Variants in TBC1D15 observed in about 807,000 individuals in gnomAD.
TBC1D15 encodes the protein GAP for RAB7.
Under a neutral mutation model 95.4 loss-of-function variants are expected in TBC1D15, and 39 were observed. The ratio of observed to expected loss-of-function variants is 0.41; its 90% CI spans 0.32 to 0.53. The LOEUF (loss-of-function observed/expected upper bound fraction) is 0.53, where lower values mean the gene tolerates loss of function less well. Ranked by LOEUF, TBC1D15 falls within the 20% of genes least tolerant of loss-of-function variation. TBC1D15 has a pLI of 0.29. For missense variants in TBC1D15, 733 were observed against 794.3 expected (o/e 0.92, Z 0.93); for synonymous variants, 258 against 261.3 (o/e 0.99, Z 0.12).
intron 1 of TBC1D15, chr12:71,849,973 C>T (rs956654190): frequency 1.2e-5 from 6 of 515,570 alleles, no homozygotes; most frequent in African/African-American, 2.0e-5. Context: ...TGCAGGAGTG[C>T]TTCTATAGCT....
intron 1 of TBC1D15, among the ~76,000 whole-genome samples, chr12:71,844,806 A>G (rs925957299): frequency 2.0e-5 from 3 of 151,998 alleles, no homozygotes; most frequent in Non-Finnish European, 2.9e-5. Flanking sequence ...CCTCTATTAC[A>G]CTCTACTATA....
chr12:71,900,994 G>C (rs539416456), intron 10 of TBC1D15, among the ~76,000 whole-genome samples: 1 of 152,246 alleles, frequency 6.6e-6, no homozygotes, highest in South Asian at 2.1e-4. Flanking sequence ...GCAACTGCTT[G>C]ATATAAAGGG....
chr12:71,918,664 C>T, intron 14 of TBC1D15, 116 bp downstream of exon 14: 1 of 637,438 alleles, frequency 1.6e-6, no homozygotes, highest in South Asian at 2.7e-5. Context: ...CAAGTATGTT[C>T]CAAAATTCTG....
chr12:71,878,885 A>G (rs1894547023), intron 3 of TBC1D15, among the ~76,000 whole-genome samples: 1 of 152,036 alleles, frequency 6.6e-6, no homozygotes, highest in Non-Finnish European at 1.5e-5. Flanking sequence ...AACTGGAAGA[A>G]AAAACAATCT....
chr12:71,858,067 TTTTC>T (rs1001330772), intron 1 of TBC1D15, among the ~76,000 whole-genome samples: 23 of 152,124 alleles, frequency 1.5e-4, no homozygotes, highest in African/African-American at 5.1e-4. Context: ...ATATGCAACA[TTTTC>T]TTTCTTTCTT....
intron 3 of TBC1D15, among the ~76,000 whole-genome samples, chr12:71,877,556 C>T (rs1894210222): frequency 1.9e-5 from 2 of 104,212 alleles, no homozygotes; most frequent in African/African-American, 5.1e-5. Flanking sequence ...TCCTTCCTTC[C>T]TTCCTTTCTT....
chr12:71,877,555 C>A (rs865928531), intron 3 of TBC1D15, among the ~76,000 whole-genome samples: 5 of 107,830 alleles, frequency 4.6e-5, no homozygotes, highest in Admixed American at 2.9e-4. Context: ...TTCCTTCCTT[C>A]CTTCCTTTCT....
At position 71,896,797 on chromosome 12, in the gene TBC1D15, C is replaced by T. The variant is rs73336847; in HGVS notation, c.1088+17C>T. 5.3e-3 allele frequency: 8,421 copies of T among 1,588,778 alleles called. 376 individuals carry two copies. In the African/African-American group the frequency reaches 0.095, roughly 18 times the overall value. On this transcript the variant is annotated intron_variant, in intron 9 of 16. Transcript: ENST00000485960. ...GCAAAAAACGTAAGTAATGGTCTTTCGTACATTTATCAAAGAGATTCAAGT... is the reference window on the plus strand; with the variant it reads ...GCAAAAAACGTAAGTAATGGTCTTTTGTACATTTATCAAAGAGATTCAAGT...
At chr12:71,895,171 A>G (rs1382830923) in intron 7 of TBC1D15, among the ~76,000 whole-genome samples, 3 of 151,956 alleles carry the variant, frequency 2.0e-5, no homozygotes, top group Non-Finnish European at 4.4e-5. Flanking sequence ...AACCTTTCCT[A>G]TTACCTCTTA....
At chr12:71,910,538 T>A (rs1262644110) in intron 11 of TBC1D15, among the ~76,000 whole-genome samples, 1 of 151,888 alleles carries the variant, frequency 6.6e-6, no homozygotes, top group Non-Finnish European at 1.5e-5. Flanking sequence ...TTTATTTCAT[T>A]GAGCAGTGGT....
At chr12:71,868,420 T>C (rs933628327) in intron 1 of TBC1D15, among the ~76,000 whole-genome samples, 2 of 152,030 alleles carry the variant, frequency 1.3e-5, no homozygotes, top group African/African-American at 4.8e-5. Context: ...TAATTTTTTC[T>C]ATTTTTTAGT....
intron 1 of TBC1D15, chr12:71,861,513 A>G (rs989785340): frequency 2.0e-6 from 3 of 1,517,992 alleles, no homozygotes; most frequent in Non-Finnish European, 1.8e-6. Flanking sequence ...AGTCTCTCTA[A>G]TGATCCTTTG....
chr12:71,847,144 C>T (rs1886492009), intron 1 of TBC1D15, among the ~76,000 whole-genome samples: 1 of 151,998 alleles, frequency 6.6e-6, no homozygotes, highest in Non-Finnish European at 1.5e-5. Flanking sequence ...CACCATGAAC[C>T]CATGAACACA....
intron 1 of TBC1D15, among the ~76,000 whole-genome samples, chr12:71,871,591 AT>A (rs958438336): frequency 2.0e-5 from 3 of 151,964 alleles, no homozygotes; most frequent in Admixed American, 2.0e-4. Context: ...TATTTTTTTG[AT>A]TTTTTATAGA....
At chr12:71,884,739 T>G in intron 4 of TBC1D15, 72 bp from the exon 5 acceptor site, 1 of 1,424,224 alleles carries the variant, frequency 7.0e-7, no homozygotes, top group Non-Finnish European at 9.8e-7. Flanking sequence ...TGTTAGGCAG[T>G]CATGGAGAGC....
Position 71,870,934 on chromosome 12 carries a change from C to T in TBC1D15, c.31-1136C>T, listed in dbSNP as rs1234508733. ...ATAGTGCTTGTCTTGCATTGCTGAC[C>T]CATGATATTCTGAAGACTAATATTA... On this transcript the variant is annotated intron_variant, in intron 1 of 16. Coordinates refer to ENST00000485960, the MANE Select transcript of TBC1D15 (RefSeq NM_001146213.3). Among the ~76,000 whole-genome samples, 5 of 151,932 alleles carry T rather than the reference C, an allele frequency of 3.3e-5. No individual in the cohort carries two copies. The East Asian group carries it at 9.7e-4, about 29-fold the overall frequency.
At chr12:71,886,121 A>G (rs1896167928) in intron 5 of TBC1D15, among the ~76,000 whole-genome samples, 1 of 152,154 alleles carries the variant, frequency 6.6e-6, no homozygotes, top group Admixed American at 6.5e-5. Flanking sequence ...GATGGATTGG[A>G]TATATGGAGG....
At chr12:71,888,519 G>A (rs1413489188) in intron 5 of TBC1D15, among the ~76,000 whole-genome samples, 1 of 151,588 alleles carries the variant, frequency 6.6e-6, no homozygotes, top group Admixed American at 6.6e-5. Flanking sequence ...TGTTATTAGA[G>A]GGGTTTAGAC....
At chr12:71,893,403 T>A in intron 6 of TBC1D15, 79 bp downstream of exon 6, 1 of 931,002 alleles carries the variant, frequency 1.1e-6, no homozygotes, top group Middle Eastern at 2.4e-4. Context: ...TCTCAGAGAG[T>A]ATGCAAAATG....
Sources: gnomAD v4.1 joint callset for allele counts (sites outside exome capture counted in the v4.1 genomes callset) on GRCh38, gnomAD v4.1.1 for gene constraint, MANE v1.5 for transcripts, NCBI Gene and HGNC (gene_info 2026-07-23, HGNC 2026-07-21) for gene names.